Variants in PTPRN2 observed in about 807,000 individuals in gnomAD.
PTPRN2 encodes the protein protein tyrosine phosphatase receptor type N2, also known as receptor-type tyrosine-protein phosphatase N2.
Under a neutral mutation model 118.8 loss-of-function variants are expected in PTPRN2, and 74 were observed. The ratio of observed to expected loss-of-function variants is 0.62; its 90% CI spans 0.52 to 0.76. PTPRN2 has a LOEUF of 0.76. PTPRN2 is among the 30% of genes least tolerant of loss of function. PTPRN2 has a pLI of 0.00. For synonymous variants in PTPRN2, 641 were observed against 608.0 expected, an observed-to-expected ratio of 1.05 and a Z score of -0.80; for missense variants, 1,481 against 1,394.4, an observed-to-expected ratio of 1.06 and a Z score of -0.99.
intron 12 of PTPRN2, among the ~76,000 whole-genome samples, chr7:157,710,582 C>G (rs1004973774): frequency 4.0e-5 from 6 of 151,898 alleles, no homozygotes; most frequent in African/African-American, 1.5e-4. Flanking sequence ...GGCCACAGGC[C>G]TGGGACCCCA....
At position 158,263,355 on chromosome 7, in the gene PTPRN2, TATG is replaced by T. The variant is rs1797661483; in HGVS notation, c.277+53461_277+53463del. Among the ~76,000 whole-genome samples the T allele has an allele frequency of 2.9e-5, 4 of 138,314 alleles. No homozygotes were observed. The Admixed American group carries it at 3.1e-4, about 11-fold the overall frequency. The allele number at this position is 138,314 out of a possible 152,430, so 90.7% of individuals were successfully genotyped here. A position where few individuals can be genotyped will look rare whatever the true frequency, so the allele number is the denominator to read the frequency against. On this transcript the variant is annotated intron_variant, in intron 3 of 22. Transcript: ENST00000389418. Reference sequence around the variant, plus strand: ...TACTGCACATGTACATGTGTACACATATGAGCACACACATGCACACTGTACACA... The same window carrying T: ...TACTGCACATGTACATGTGTACACATAGCACACACATGCACACTGTACACA...
intron 12 of PTPRN2, among the ~76,000 whole-genome samples, chr7:157,757,379 T>C (rs1801850525): frequency 1.3e-5 from 2 of 151,944 alleles, no homozygotes; most frequent in Admixed American, 1.3e-4. Flanking sequence ...CAGAGAGACA[T>C]GCTCCACGCC....
At chr7:158,036,239 T>G (rs1451725807) in intron 11 of PTPRN2, among the ~76,000 whole-genome samples, 1 of 151,948 alleles carries the variant, frequency 6.6e-6, no homozygotes, top group Non-Finnish European at 1.5e-5. Flanking sequence ...AAATGAATCA[T>G]TTTTAGGAAA....
intron 16 of PTPRN2, among the ~76,000 whole-genome samples, chr7:157,602,608 G>A (rs936389497): frequency 6.6e-6 from 1 of 152,014 alleles, no homozygotes; most frequent in African/African-American, 2.4e-5. Flanking sequence ...GACCAGCAGA[G>A]CTGAGAGCTG....
Position 157,789,989 on chromosome 7 carries a change from TG to T in PTPRN2, c.1789-107053del, listed in dbSNP as rs1468646563. Among the ~76,000 whole-genome samples the T allele has an allele frequency of 2.4e-4, 27 of 110,894 alleles. 1 individual carries two copies. Among genetic ancestry groups the T allele is most frequent in the Non-Finnish European group, 5.4e-5 (3 of 55,078 alleles). 72.8% of individuals were successfully genotyped at this position (110,894 alleles called of 152,430 possible). On this transcript the variant is annotated intron_variant, in intron 12 of 22. Coordinates refer to ENST00000389418, the MANE Select transcript of PTPRN2 (RefSeq NM_002847.5). Reference sequence around the variant, plus strand: ...TGTGCGTATGGTGGTGTGTGTGTGGTGGGGGTGTGTGTGGTGTTTGTGTGGT... The same window carrying T: ...TGTGCGTATGGTGGTGTGTGTGTGGTGGGGTGTGTGTGGTGTTTGTGTGGT...
At chr7:157,691,077 C>A (rs1489371648) in intron 12 of PTPRN2, among the ~76,000 whole-genome samples, 1 of 122,320 alleles carries the variant, frequency 8.2e-6, no homozygotes, top group East Asian at 2.2e-4. Flanking sequence ...TCCCCCCCCC[C>A]CCCCACATGT....
At chr7:157,951,547 C>G (rs920668060) in intron 11 of PTPRN2, among the ~76,000 whole-genome samples, 6 of 152,214 alleles carry the variant, frequency 3.9e-5, no homozygotes, top group Non-Finnish European at 8.8e-5. Context: ...TGGGACCCCC[C>G]TTCCACTGCA....
chr7:158,126,709 C>T (rs1817715786), intron 9 of PTPRN2, among the ~76,000 whole-genome samples: 2 of 150,794 alleles, frequency 1.3e-5, no homozygotes, highest in South Asian at 2.1e-4. Flanking sequence ...CACCAGCCCC[C>T]GGAGAGCGGG....
intron 1 of PTPRN2, among the ~76,000 whole-genome samples, chr7:158,545,112 C>A (rs1408229782): frequency 6.6e-6 from 1 of 152,210 alleles, no homozygotes; most frequent in Non-Finnish European, 1.5e-5. Flanking sequence ...TCACTTCCAG[C>A]CTCAACATCC....
chr7:158,313,201 T>C (rs1802016433), intron 3 of PTPRN2, among the ~76,000 whole-genome samples: 1 of 152,172 alleles, frequency 6.6e-6, no homozygotes, highest in African/African-American at 2.4e-5. Flanking sequence ...TCCAGAAGCC[T>C]GCATCCTGGA....
At chr7:157,857,643 A>T (rs929812600) in intron 12 of PTPRN2, 1 of 152,000 alleles carries the variant, frequency 6.6e-6, no homozygotes, top group Non-Finnish European at 1.5e-5. Context: ...TGACAACCAG[A>T]TCCAGCTCTG....
intron 2 of PTPRN2, among the ~76,000 whole-genome samples, chr7:158,351,816 G>A (rs999427203): frequency 2.6e-5 from 4 of 152,014 alleles, no homozygotes; most frequent in African/African-American, 7.3e-5. Context: ...AAAGGTAGCA[G>A]AACAGGAAGT....
At chr7:158,415,079 ACAACCAGC>A (rs1236705141) in intron 2 of PTPRN2, among the ~76,000 whole-genome samples, 6 of 151,366 alleles carry the variant, frequency 4.0e-5, no homozygotes, top group Non-Finnish European at 5.9e-5. Context: ...CTCTGATGAT[ACAACCAGC>A]TACTTCTCTG....
chr7:157,947,222 A>C (rs376572759), intron 11 of PTPRN2, among the ~76,000 whole-genome samples: 2 of 36,474 alleles, frequency 5.5e-5, no homozygotes, highest in Non-Finnish European at 9.0e-5. Flanking sequence ...GTGACATGGA[A>C]ATCACAGAGC....
intron 11 of PTPRN2, among the ~76,000 whole-genome samples, chr7:158,049,273 T>G (rs1809152775): frequency 6.6e-6 from 1 of 151,852 alleles, no homozygotes. Flanking sequence ...CTTTGTCCTT[T>G]CAGTTGGGCA....
intron 13 of PTPRN2, among the ~76,000 whole-genome samples, chr7:157,662,634 T>C (rs10226271): frequency 0.38 from 58,411 of 151,900 alleles, 12,287 homozygotes; most frequent in Non-Finnish European, 0.49. Context: ...TGGGGAGGTG[T>C]GAGCAGGCAT....
chr7:157,802,885 A>G (rs75240085), intron 12 of PTPRN2, among the ~76,000 whole-genome samples: 1 of 152,066 alleles, frequency 6.6e-6, no homozygotes, highest in Non-Finnish European at 1.5e-5. Context: ...AATGTCTACT[A>G]AAGTCCTTTG....
chr7:157,853,461 C>T (rs1345872438), intron 12 of PTPRN2, among the ~76,000 whole-genome samples: 3 of 152,072 alleles, frequency 2.0e-5, no homozygotes, highest in African/African-American at 7.2e-5. Flanking sequence ...CACCCCCCCA[C>T]CTCCCTTTGC....
At chr7:158,436,110 T>C (rs1341840497) in intron 2 of PTPRN2, among the ~76,000 whole-genome samples, 1 of 152,212 alleles carries the variant, frequency 6.6e-6, no homozygotes, top group African/African-American at 2.4e-5. Context: ...CCCTGACTTA[T>C]TAGTGTAACA....
Sources: gnomAD v4.1 joint callset for allele counts (sites outside exome capture counted in the v4.1 genomes callset) on GRCh38, gnomAD v4.1.1 for gene constraint, MANE v1.5 for transcripts, NCBI Gene and HGNC (gene_info 2026-07-23, HGNC 2026-07-21) for gene names.